Variants in PLA2G4A observed in about 807,000 individuals in gnomAD.
PLA2G4A encodes cytosolic phospholipase A2.
PLA2G4A carries 40 observed loss-of-function variants against 81.9 expected under a neutral mutation model. That is an observed-to-expected ratio of 0.49 (90% CI 0.38 to 0.64). The LOEUF is 0.64. PLA2G4A is among the 30% of genes least tolerant of loss of function. The pLI, the probability that PLA2G4A is intolerant of heterozygous loss-of-function variation, is 0.00. For synonymous variants in PLA2G4A, 302 were observed against 296.9 expected (o/e 1.02, Z -0.18); for missense variants, 715 against 905.1 (o/e 0.79, Z 2.69).
intron 8 of PLA2G4A, among the ~76,000 whole-genome samples, chr1:186,934,473 G>C (rs57457814): frequency 0.52 from 44,448 of 85,194 alleles, 9,833 homozygotes; most frequent in African/African-American, 0.66. Context: ...TACATACACA[G>C]AGAGAGTAAT....
chr1:186,977,748 T>C lies in PLA2G4A; in HGVS notation c.1920T>C (p.Phe640=). Reference sequence around the variant, plus strand: ...AAGATTGCCCAACCATCATCCACTTTGTTCTGGCCAACATCAACTTCAGAA... The same window carrying C: ...AAGATTGCCCAACCATCATCCACTTCGTTCTGGCCAACATCAACTTCAGAA... The part of the protein sequence containing the change: ...MEKDCPTIIH[F]VLANINFRKY... The change falls in exon 16 of 18, where the codon TTT becomes TTC. Residue 640 remains phenylalanine (F), a synonymous_variant. Transcript: ENST00000367466. 1.9e-6 allele frequency: 3 copies of C among 1,613,870 alleles called. No homozygotes were observed. The highest frequency in any genetic ancestry group is 1.7e-4 in the Middle Eastern group (1 of 6,060).
At chr1:186,916,931 G>A (rs956306441) in intron 7 of PLA2G4A, among the ~76,000 whole-genome samples, 1 of 152,048 alleles carries the variant, frequency 6.6e-6, no homozygotes, top group Admixed American at 6.6e-5. Context: ...CTCATGCTTC[G>A]GCTGTGCATA....
intron 3 of PLA2G4A, chr1:186,870,778 G>T (rs139418625): frequency 5.0e-6 from 7 of 1,396,254 alleles, no homozygotes; most frequent in Non-Finnish European, 4.9e-6. Context: ...GCTGTTAAAC[G>T]TATAATTATG....
At chr1:186,914,021 A>G (rs1443762004) in intron 7 of PLA2G4A, among the ~76,000 whole-genome samples, 2 of 152,062 alleles carry the variant, frequency 1.3e-5, no homozygotes, top group Non-Finnish European at 2.9e-5. Flanking sequence ...AACTAAGGAA[A>G]CCTTCATTAA....
intron 14 of PLA2G4A, among the ~76,000 whole-genome samples, chr1:186,961,461 CA>C (rs1344820928): frequency 6.6e-6 from 1 of 151,062 alleles, no homozygotes; most frequent in Non-Finnish European, 1.5e-5. Context: ...TAAATATACG[CA>C]ATTATTATTT....
intron 1 of PLA2G4A, among the ~76,000 whole-genome samples, chr1:186,842,013 T>G (rs1651999413): frequency 6.6e-6 from 1 of 151,904 alleles, no homozygotes; most frequent in African/African-American, 2.4e-5. Context: ...TTTATAATCT[T>G]CACCATCCTA....
At chr1:186,868,054 G>A (rs1313505615) in intron 2 of PLA2G4A, among the ~76,000 whole-genome samples, 1 of 147,854 alleles carries the variant, frequency 6.8e-6, no homozygotes, top group African/African-American at 2.5e-5. Flanking sequence ...AACCCCGCTT[G>A]GTCACGGTGT....
chr1:186,850,384 A>G (rs1222430155), intron 1 of PLA2G4A, among the ~76,000 whole-genome samples: 1 of 152,142 alleles, frequency 6.6e-6, no homozygotes, highest in Admixed American at 6.6e-5. Flanking sequence ...ATAGGTTTTA[A>G]GATTTCCTTC....
Position 186,893,058 on chromosome 1 carries a change from G to A in PLA2G4A, c.163G>A (p.Asp55Asn). Residue 55 changes from aspartate to asparagine, a missense_variant, in exon 4 of 18, where the codon GAC becomes AAC. By Grantham distance (23) the Asp-to-Asn change is conservative. Transcript: ENST00000367466. Reference protein sequence around the residue: ...YVELFISTTPDSRKRTRHFNN... With the variant: ...YVELFISTTPNSRKRTRHFNN... ...GGAACTTTTTATCTCTACAACCCCT[G>A]ACAGCAGGAAGAGAACAAGACATTT... is the stretch of plus-strand genomic sequence containing the variant. 1 of 1,610,012 alleles carries A rather than the reference G, an allele frequency of 6.2e-7. No individual in the cohort carries two copies. The highest frequency in any genetic ancestry group is 8.5e-7 in the Non-Finnish European group (1 of 1,176,294).
chr1:186,932,981 G>A, intron 8 of PLA2G4A, 82 bp downstream of exon 8: 1 of 1,013,730 alleles, frequency 9.9e-7, no homozygotes, highest in Non-Finnish European at 1.5e-6. Flanking sequence ...GAGAAAAGGG[G>A]ATTTAGAAAA....
At chr1:186,860,205 T>G (rs1030060159) in intron 2 of PLA2G4A, among the ~76,000 whole-genome samples, 1 of 152,300 alleles carries the variant, frequency 6.6e-6, no homozygotes, top group East Asian at 1.9e-4. Context: ...ACAGGAGATA[T>G]TAATTTATTA....
At chr1:186,877,163 C>G (rs1653530965) in intron 3 of PLA2G4A, among the ~76,000 whole-genome samples, 1 of 151,986 alleles carries the variant, frequency 6.6e-6, no homozygotes, top group Non-Finnish European at 1.5e-5. Context: ...TCACAGTGAT[C>G]AGAAGCTCCA....
At chr1:186,926,544 CAA>C (rs1224909467) in intron 7 of PLA2G4A, among the ~76,000 whole-genome samples, 1 of 152,202 alleles carries the variant, frequency 6.6e-6, no homozygotes, top group African/African-American at 2.4e-5. Context: ...TGTCCCCTAT[CAA>C]AGTCTTCACT....
At chr1:186,911,764 G>A (rs950028507) in intron 7 of PLA2G4A, among the ~76,000 whole-genome samples, 3 of 152,098 alleles carry the variant, frequency 2.0e-5, no homozygotes, top group African/African-American at 7.2e-5. Context: ...CAGTAGATAT[G>A]AGGAGATTTA....
intron 3 of PLA2G4A, among the ~76,000 whole-genome samples, chr1:186,879,577 A>C (rs1653649453): frequency 6.6e-6 from 1 of 151,972 alleles, no homozygotes; most frequent in Non-Finnish European, 1.5e-5. Flanking sequence ...AACTTGGACA[A>C]GTTACTTGGC....
intron 1 of PLA2G4A, among the ~76,000 whole-genome samples, chr1:186,833,276 A>C (rs1651662994): frequency 6.6e-6 from 1 of 152,048 alleles, no homozygotes; most frequent in South Asian, 2.1e-4. Context: ...TGCACCTGTA[A>C]TCCAGCAATT....
intron 13 of PLA2G4A, 119 bp from the exon 14 acceptor site, chr1:186,955,983 G>A (rs1422695293): frequency 4.3e-5 from 34 of 794,364 alleles, no homozygotes; most frequent in Non-Finnish European, 7.1e-5. Flanking sequence ...CTCATGATCC[G>A]CCCGCCTTGG....
intron 8 of PLA2G4A, among the ~76,000 whole-genome samples, chr1:186,934,463 T>TATATATATATATATATATATATATATAC (rs368585350): frequency 2.8e-5 from 4 of 143,514 alleles, no homozygotes; most frequent in Admixed American, 7.0e-5. Context: ...TATATATATA[T>TATATATATATATATATATATATATATAC]ACATACACAG....
intron 3 of PLA2G4A, among the ~76,000 whole-genome samples, chr1:186,882,859 A>G (rs1026510631): frequency 6.6e-6 from 1 of 152,126 alleles, no homozygotes; most frequent in African/African-American, 2.4e-5. Context: ...AAAAGCTAAA[A>G]CTTAGAGACA....
Sources: gnomAD v4.1 joint callset for allele counts (sites outside exome capture counted in the v4.1 genomes callset) on GRCh38, gnomAD v4.1.1 for gene constraint, MANE v1.5 for transcripts, NCBI Gene and HGNC (gene_info 2026-07-23, HGNC 2026-07-21) for gene names.